SPIRE1: variants seen among roughly 807,000 people sequenced by gnomAD.
SPIRE1 encodes spire type actin nucleation factor 1, also known as protein spire homolog 1.
In SPIRE1, 40 loss-of-function variants were observed where a neutral mutation model predicts 94.1. The observed-to-expected ratio is 0.43, with a 90% CI of 0.33 to 0.55. SPIRE1 has a LOEUF of 0.55. Ranked by LOEUF, SPIRE1 falls within the 20% of genes least tolerant of loss-of-function variation. The pLI, the probability that SPIRE1 is intolerant of heterozygous loss-of-function variation, is 0.06. For missense variants in SPIRE1, 838 were observed against 975.2 expected (o/e 0.86, Z 1.87); for synonymous variants, 376 against 371.7 (o/e 1.01, Z -0.13).
At chr18:12,586,558 T>C (rs1193094079) in intron 2 of SPIRE1, among the ~76,000 whole-genome samples, 1 of 152,228 alleles carries the variant, frequency 6.6e-6, no homozygotes, top group Non-Finnish European at 1.5e-5. Flanking sequence ...TGGCATCTGC[T>C]ATACTTTTAC....
chr18:12,577,888 G>A (rs1854441165), intron 2 of SPIRE1, among the ~76,000 whole-genome samples: 1 of 152,084 alleles, frequency 6.6e-6, no homozygotes, highest in South Asian at 2.1e-4. Context: ...CCAATAAAAA[G>A]TGGGCAAAAG....
At chr18:12,487,788 A>C (rs1233876110) in intron 8 of SPIRE1, among the ~76,000 whole-genome samples, 8 of 152,134 alleles carry the variant, frequency 5.3e-5, no homozygotes, top group Non-Finnish European at 1.2e-4. Context: ...GTATACTTTA[A>C]ATGAGTGAAT....
intron 2 of SPIRE1, among the ~76,000 whole-genome samples, chr18:12,633,303 T>C (rs1489857399): frequency 6.6e-6 from 1 of 152,088 alleles, no homozygotes; most frequent in Admixed American, 6.6e-5. Context: ...CAAAGTTGAA[T>C]AGAAAATGCA....
intron 2 of SPIRE1, among the ~76,000 whole-genome samples, chr18:12,576,627 C>T (rs867697953): frequency 6.0e-5 from 9 of 148,950 alleles, no homozygotes; most frequent in Middle Eastern, 3.6e-3. Context: ...CAGTGGCTCA[C>T]GCCTGTAATC....
rs182072744 is a variant in SPIRE1, at chr18:12,620,845, C to A, written c.372+14217G>T. Reference sequence around the variant, plus strand: ...AACTTCATGCTTCAAAGGACACCATCAAGAAACTGGCATGAAAATCCACAG... The same window carrying A: ...AACTTCATGCTTCAAAGGACACCATAAAGAAACTGGCATGAAAATCCACAG... On this transcript the variant is annotated intron_variant, in intron 2 of 16. Coordinates refer to ENST00000409402, the MANE Select transcript of SPIRE1 (RefSeq NM_001128626.2). 5.3e-5 allele frequency among the ~76,000 whole-genome samples: 8 copies of A among 152,254 alleles called. No individual in the cohort carries two copies. In the East Asian group the frequency reaches 1.5e-3, roughly 29 times the overall value.
chr18:12,590,874 C>A (rs555514056), intron 2 of SPIRE1, among the ~76,000 whole-genome samples: 3 of 152,286 alleles, frequency 2.0e-5, no homozygotes, highest in African/African-American at 7.2e-5. Flanking sequence ...GTCATGATTT[C>A]TTTGGCCTTA....
intron 2 of SPIRE1, among the ~76,000 whole-genome samples, chr18:12,601,043 T>C (rs1033592498): frequency 2.6e-5 from 4 of 152,180 alleles, no homozygotes; most frequent in Non-Finnish European, 2.9e-5. Flanking sequence ...GTTATTCTGA[T>C]GCTCAAGTAT....
At chr18:12,647,919 AGTGCCAGAAAGCAAGGAC>A (rs1358829563) in intron 1 of SPIRE1, among the ~76,000 whole-genome samples, 1 of 152,204 alleles carries the variant, frequency 6.6e-6, no homozygotes, top group Non-Finnish European at 1.5e-5. Context: ...AACATCTTGC[AGTGCCAGAAAGCAAGGAC>A]GTGCTCCACC....
chr18:12,582,982 G>A (rs1275772912), intron 2 of SPIRE1, among the ~76,000 whole-genome samples: 1 of 152,138 alleles, frequency 6.6e-6, no homozygotes, highest in Non-Finnish European at 1.5e-5. Flanking sequence ...ACTGAAGAGT[G>A]CAACTCCTAA....
intron 3 of SPIRE1, among the ~76,000 whole-genome samples, chr18:12,537,710 A>G (rs575317900): frequency 3.0e-4 from 45 of 152,314 alleles, no homozygotes; most frequent in African/African-American, 1.0e-3. Context: ...ATTTCTACAC[A>G]TGGCCAGAGA....
chr18:12,539,613 A>ACACG (rs2144232075), intron 3 of SPIRE1, among the ~76,000 whole-genome samples: 1 of 150,262 alleles, frequency 6.7e-6, no homozygotes, highest in African/African-American at 2.5e-5. Flanking sequence ...ACACACACAC[A>ACACG]CGTTGGGAAT....
chr18:12,569,633 C>CAA (rs747844520), intron 2 of SPIRE1, among the ~76,000 whole-genome samples: 84 of 77,648 alleles, frequency 1.1e-3, no homozygotes, highest in Non-Finnish European at 1.4e-3. Flanking sequence ...AAAACAACAA[C>CAA]AACAAAAAAA....
intron 1 of SPIRE1, among the ~76,000 whole-genome samples, chr18:12,648,855 A>G (rs1472617039): frequency 7.3e-6 from 1 of 137,622 alleles, no homozygotes; most frequent in Non-Finnish European, 1.5e-5. Flanking sequence ...GCGCCATTGC[A>G]CTCCAGCCTG....
chr18:12,655,410 G>A (rs78827601), intron 1 of SPIRE1, among the ~76,000 whole-genome samples: 3,978 of 152,274 alleles, frequency 0.026, 186 homozygotes, highest in African/African-American at 0.09. Context: ...TATTCTTAAA[G>A]CCAATGAGGA....
At chr18:12,569,802 T>C (rs529549195) in intron 2 of SPIRE1, among the ~76,000 whole-genome samples, 3 of 152,314 alleles carry the variant, frequency 2.0e-5, no homozygotes, top group East Asian at 3.9e-4. Context: ...AAAATGAACA[T>C]GAATTACAGT....
chr18:12,496,656 T>G (rs192116956), intron 6 of SPIRE1, among the ~76,000 whole-genome samples: 2,363 of 152,142 alleles, frequency 0.016, 61 homozygotes, highest in African/African-American at 0.054. Flanking sequence ...GATCACAAGG[T>G]CAGGAGATCG....
intron 16 of SPIRE1, chr18:12,450,870 CCA>C (rs1345681828): frequency 5.5e-6 from 4 of 727,490 alleles, no homozygotes; most frequent in Non-Finnish European, 7.5e-6. Flanking sequence ...CAGCCTTACA[CCA>C]CTAAGGCGGC....
chr18:12,606,235 T>C (rs2036971856), intron 2 of SPIRE1, among the ~76,000 whole-genome samples: 1 of 152,070 alleles, frequency 6.6e-6, no homozygotes, highest in African/African-American at 2.4e-5. Context: ...AGTACTAGAA[T>C]GTACAGTCTA....
intron 2 of SPIRE1, among the ~76,000 whole-genome samples, chr18:12,557,806 G>T (rs2035562005): frequency 6.6e-6 from 1 of 151,902 alleles, no homozygotes; most frequent in African/African-American, 2.4e-5. Context: ...TCATGGTACT[G>T]GCATAAAAAC....
Sources: gnomAD v4.1 joint callset for allele counts (sites outside exome capture counted in the v4.1 genomes callset) on GRCh38, gnomAD v4.1.1 for gene constraint, MANE v1.5 for transcripts, NCBI Gene and HGNC (gene_info 2026-07-23, HGNC 2026-07-21) for gene names.